Variants in PCCA observed in about 807,000 individuals in gnomAD.
The protein encoded by PCCA is propionyl-CoA carboxylase alpha chain, mitochondrial.
In PCCA, 74 loss-of-function variants were observed where a neutral mutation model predicts 101.3. The observed-to-expected ratio is 0.73, with a 90% CI of 0.61 to 0.89. The LOEUF is 0.89. PCCA is among the 40% of genes least tolerant of loss of function. The probability of loss-of-function intolerance (pLI) is 0.00; values close to 1 mark genes in which losing one functional copy is unlikely to be tolerated. For missense variants in PCCA, 891 were observed against 907.0 expected (o/e 0.98, Z 0.23); for synonymous variants, 294 against 313.6 (o/e 0.94, Z 0.66).
chr13:100,238,250 T>G (rs751948477), intron 8 of PCCA, among the ~76,000 whole-genome samples: 4 of 152,060 alleles, frequency 2.6e-5, no homozygotes, highest in Non-Finnish European at 5.9e-5. Flanking sequence ...ATTTTCCACT[T>G]TCGTTATAAC....
chr13:100,261,226 A>T (rs2062482962), intron 9 of PCCA, among the ~76,000 whole-genome samples: 1 of 152,208 alleles, frequency 6.6e-6, no homozygotes, highest in Non-Finnish European at 1.5e-5. Flanking sequence ...CATTAAATAC[A>T]GGTATTTAAT....
intron 21 of PCCA, among the ~76,000 whole-genome samples, chr13:100,515,046 C>T (rs956063001): frequency 1.3e-5 from 2 of 152,232 alleles, no homozygotes; most frequent in African/African-American, 4.8e-5. Flanking sequence ...CACATGTCAC[C>T]TCCTCCATCC....
At chr13:100,214,617 G>A (rs1466150613) in intron 7 of PCCA, among the ~76,000 whole-genome samples, 9 of 151,856 alleles carry the variant, frequency 5.9e-5, no homozygotes, top group African/African-American at 1.7e-4. Flanking sequence ...TAGTAGAGAC[G>A]GGGTTTTACC....
chr13:100,122,668 A>G (rs759167315), intron 4 of PCCA, among the ~76,000 whole-genome samples: 12 of 151,976 alleles, frequency 7.9e-5, no homozygotes, highest in Non-Finnish European at 1.6e-4. Context: ...TTCATTCCTA[A>G]ATTTAGACAT....
chr13:100,455,159 A>G (rs1395613475), intron 21 of PCCA, among the ~76,000 whole-genome samples: 6 of 152,202 alleles, frequency 3.9e-5, no homozygotes, highest in Admixed American at 3.9e-4. Context: ...AAAAGTAAAT[A>G]AAGTGGGCAA....
intron 6 of PCCA, among the ~76,000 whole-genome samples, chr13:100,157,661 T>C (rs943793787): frequency 6.6e-6 from 1 of 152,188 alleles, no homozygotes; most frequent in African/African-American, 2.4e-5. Context: ...TAGTGAGTTA[T>C]TGTAGTGATT....
At chr13:100,395,347 C>T (rs2076995044) in intron 19 of PCCA, among the ~76,000 whole-genome samples, 1 of 152,332 alleles carries the variant, frequency 6.6e-6, no homozygotes, top group Middle Eastern at 3.4e-3. Flanking sequence ...TCACCAGACT[C>T]AGCACTGCGT....
intron 21 of PCCA, among the ~76,000 whole-genome samples, chr13:100,496,109 A>T (rs527687653): frequency 6.6e-6 from 1 of 152,218 alleles, no homozygotes; most frequent in Non-Finnish European, 1.5e-5. Flanking sequence ...TGGAACTGCA[A>T]TGCAGTACTG....
intron 12 of PCCA, among the ~76,000 whole-genome samples, chr13:100,278,453 A>G (rs1760837860): frequency 6.8e-6 from 1 of 147,096 alleles, no homozygotes; most frequent in Admixed American, 6.7e-5. Context: ...AGTTTGTACC[A>G]TGGTTGTTTC....
intron 6 of PCCA, among the ~76,000 whole-genome samples, chr13:100,167,670 A>T (rs1180968484): frequency 6.6e-6 from 1 of 152,128 alleles, no homozygotes; most frequent in East Asian, 1.9e-4. Context: ...TCTCTGATCA[A>T]TTTTGAGTTA....
At chr13:100,441,655 T>C (rs1481670188) in intron 20 of PCCA, among the ~76,000 whole-genome samples, 1 of 152,228 alleles carries the variant, frequency 6.6e-6, no homozygotes, top group African/African-American at 2.4e-5. Flanking sequence ...TTATCTGGCT[T>C]TGGAGTGCCA....
At chr13:100,099,568 C>T (rs565389361) in intron 1 of PCCA, among the ~76,000 whole-genome samples, 10 of 152,116 alleles carry the variant, frequency 6.6e-5, no homozygotes, top group South Asian at 4.2e-4. Context: ...CCACCTGCCT[C>T]GGCCTCTCAA....
chr13:100,310,145 G>A (rs1003352652), intron 16 of PCCA, among the ~76,000 whole-genome samples: 6 of 152,102 alleles, frequency 3.9e-5, no homozygotes, highest in African/African-American at 1.4e-4. Flanking sequence ...TATATAACCA[G>A]TACACATTGG....
chr13:100,309,446 A>G (rs2066733079), intron 15 of PCCA, among the ~76,000 whole-genome samples: 1 of 152,164 alleles, frequency 6.6e-6, no homozygotes, highest in African/African-American at 2.4e-5. Flanking sequence ...CAGGGTATCA[A>G]ACTTGGAAAC....
chr13:100,526,707 A>G (rs1397468155), intron 22 of PCCA, among the ~76,000 whole-genome samples: 3 of 152,272 alleles, frequency 2.0e-5, no homozygotes, highest in Admixed American at 2.0e-4. Context: ...GAGGCCAAAG[A>G]AAAACCTGGC....
intron 17 of PCCA, among the ~76,000 whole-genome samples, 176 bp from the exon 18 acceptor site, chr13:100,339,981 T>C (rs1046185975): frequency 2.6e-5 from 4 of 152,232 alleles, no homozygotes; most frequent in Non-Finnish European, 4.4e-5. Context: ...TTTGTTGTCT[T>C]ATTTGAATGG....
intron 21 of PCCA, among the ~76,000 whole-genome samples, chr13:100,460,357 A>G (rs1450341579): frequency 6.6e-6 from 1 of 152,258 alleles, no homozygotes; most frequent in Non-Finnish European, 1.5e-5. Flanking sequence ...TTAAAGTACT[A>G]TAATAAGGCA....
rs534639600 is a variant in PCCA at position 100,128,725 on chromosome 13, C to T, written c.300+16664C>T. 3.9e-5 allele frequency among the ~76,000 whole-genome samples: 6 copies of T among 152,242 alleles called. No homozygotes were observed. In the South Asian group the frequency reaches 1.0e-3, roughly 26 times the overall value. On this transcript the variant is annotated intron_variant, in intron 4 of 23. Coordinates refer to ENST00000376285, the MANE Select transcript of PCCA (RefSeq NM_000282.4). Reference sequence around the variant, plus strand: ...AGTCCAGTGGACATTTTTCAGTCCTCTTCTGTTTGACTTCCCAGAATCTTT... The same window carrying T: ...AGTCCAGTGGACATTTTTCAGTCCTTTTCTGTTTGACTTCCCAGAATCTTT...
intron 20 of PCCA, among the ~76,000 whole-genome samples, chr13:100,433,950 C>T (rs1249679051): frequency 6.6e-6 from 1 of 152,166 alleles, no homozygotes; most frequent in Non-Finnish European, 1.5e-5. Flanking sequence ...CATTTTAATG[C>T]TTAGGTTTAA....
Sources: gnomAD v4.1 joint callset for allele counts (sites outside exome capture counted in the v4.1 genomes callset) on GRCh38, gnomAD v4.1.1 for gene constraint, MANE v1.5 for transcripts, NCBI Gene and HGNC (gene_info 2026-07-23, HGNC 2026-07-21) for gene names.